Variants in CCNJ observed in about 807,000 individuals in gnomAD.
The protein encoded by CCNJ is cyclin J.
A neutral mutation model predicts 41.4 loss-of-function variants in CCNJ; 12 were observed. The ratio of observed to expected loss-of-function variants is 0.29; its 90% CI spans 0.19 to 0.47. CCNJ has a LOEUF of 0.47. CCNJ is among the 20% of genes least tolerant of loss of function. The pLI, the probability that CCNJ is intolerant of heterozygous loss-of-function variation, is 1.00. For synonymous variants in CCNJ, 161 were observed against 173.4 expected (o/e 0.93, Z 0.56); for missense variants, 340 against 464.6 (o/e 0.73, Z 2.47).
chr10:96,045,871 G>A (rs1386200588), intron 2 of CCNJ, among the ~76,000 whole-genome samples: 1 of 152,020 alleles, frequency 6.6e-6, no homozygotes, highest in East Asian at 1.9e-4. Context: ...CTGACCTCAG[G>A]TGATCCACCT....
rs193097883 is a variant in CCNJ at position 96,057,931 on chromosome 10, G to A, written c.842G>A (p.Arg281Gln). ...SVFQTASQPS[R>Q]PVHFQQPQYL... ...TTCCAGACAGCCTCCCAGCCATCACGGCCAGTTCACTTTCAGCAACCTCAG... is the reference window on the plus strand; with the variant it reads ...TTCCAGACAGCCTCCCAGCCATCACAGCCAGTTCACTTTCAGCAACCTCAG... The change falls in exon 6 of 6, where the codon CGG becomes CAG. Residue 281 changes from arginine (R) to glutamine (Q), a missense_variant. Coordinates refer to ENST00000465148, the MANE Select transcript of CCNJ (RefSeq NM_001134375.2). 31 of 1,614,144 alleles carry A rather than the reference G, an allele frequency of 1.9e-5. No individual in the cohort carries two copies. Among genetic ancestry groups the A allele is most frequent in the South Asian group, 9.9e-5 (9 of 91,078 alleles).
chr10:96,048,672 T>C (rs779272471), intron 2 of CCNJ, among the ~76,000 whole-genome samples: 2 of 152,218 alleles, frequency 1.3e-5, no homozygotes, highest in Non-Finnish European at 2.9e-5. Flanking sequence ...GGTAACTCAT[T>C]AAGTGGAATC....
At chr10:96,043,381 G>C (rs898005410), upstream of CCNJ, 19 of 355,470 alleles carry the variant, frequency 5.3e-5, no homozygotes, top group African/African-American at 3.6e-4. Flanking sequence ...GGCCAGCCCA[G>C]GCCACGCCGC....
intron 2 of CCNJ, among the ~76,000 whole-genome samples, chr10:96,048,752 A>AT (rs2080436043): frequency 6.6e-6 from 1 of 151,498 alleles, no homozygotes; most frequent in Non-Finnish European, 1.5e-5. Context: ...CATGTAGTAT[A>AT]TTATAAGAAT....
chr10:96,054,345 T>A (rs1009297044), intron 3 of CCNJ, among the ~76,000 whole-genome samples: 5 of 152,218 alleles, frequency 3.3e-5, no homozygotes, highest in African/African-American at 1.2e-4. Context: ...ACAAAAACTA[T>A]AGATAGGAAT....
rs541465787 is a variant in CCNJ, at chr10:96,058,785, A to C, written c.*544A>C. 189 of 309,706 alleles carry C rather than the reference A, an allele frequency of 6.1e-4. 1 individual carries two copies. Among genetic ancestry groups the C allele is most frequent in the African/African-American group, 3.8e-3 (179 of 46,934 alleles). 19.2% of individuals were successfully genotyped at this position (309,706 alleles called of 1,614,324 possible). A position where few individuals can be genotyped will look rare whatever the true frequency, so the allele number is the denominator to read the frequency against. On this transcript the variant is annotated 3_prime_UTR_variant, in exon 6 of 6. Transcript: ENST00000465148. ...TGCTATACCAATCTGCAGTAAAAAA[A>C]ATTTTTTTAGATGATTCTATATAAC... is the stretch of plus-strand genomic sequence containing the variant.
intron 2 of CCNJ, among the ~76,000 whole-genome samples, chr10:96,049,423 T>A (rs1430700409): frequency 6.6e-6 from 1 of 151,936 alleles, no homozygotes; most frequent in Non-Finnish European, 1.5e-5. Context: ...TAGCATCTTT[T>A]GTTAAACAAA....
intron 2 of CCNJ, among the ~76,000 whole-genome samples, chr10:96,045,892 C>T (rs904507256): frequency 1.3e-5 from 2 of 151,964 alleles, no homozygotes; most frequent in African/African-American, 4.8e-5. Context: ...GCCTCGGCCT[C>T]CTAAAGTGCT....
chr10:96,057,968 G>A lies in CCNJ; in HGVS notation c.879G>A (p.Gln293=). The part of the protein sequence containing the change: ...VHFQQPQYLH[Q]THQTSLQYRH... ...TTCAGCAACCTCAGTATCTCCATCA[G>A]ACACATCAGACCTCACTGCAGTATC... The change falls in exon 6 of 6, where the codon CAG becomes CAA. Residue 293 remains glutamine (Q), a synonymous_variant. Coordinates refer to ENST00000465148, the MANE Select transcript of CCNJ (RefSeq NM_001134375.2). The A allele has an allele frequency of 6.2e-7, 1 of 1,614,124 alleles. No individual in the cohort carries two copies. Among genetic ancestry groups the A allele is most frequent in the Non-Finnish European group, 8.5e-7 (1 of 1,180,000 alleles).
chr10:96,044,542 G>A, intron 2 of CCNJ, 80 bp downstream of exon 2: 1 of 1,165,840 alleles, frequency 8.6e-7, no homozygotes, highest in Non-Finnish European at 1.2e-6. Context: ...AGAAGGTCTA[G>A]TCAGGTTCTT....
Position 96,058,010 on chromosome 10 carries a change from A to G in CCNJ, c.921A>G (p.Glu307=). Reference sequence around the variant, plus strand: ...TGCAGTATCGCCATCCTACGTCAGAACAACCAAGCTGTCAGCAGATTGTAT... The same window carrying G: ...TGCAGTATCGCCATCCTACGTCAGAGCAACCAAGCTGTCAGCAGATTGTAT... ...TSLQYRHPTS[E]QPSCQQIVST... Residue 307 remains glutamate (E), a synonymous_variant, in exon 6 of 6, where the codon GAA becomes GAG. Transcript: ENST00000465148. 1 of 1,614,152 alleles carries G rather than the reference A, an allele frequency of 6.2e-7. No homozygotes were observed. Among genetic ancestry groups the G allele is most frequent in the Non-Finnish European group, 8.5e-7 (1 of 1,180,016 alleles).
intron 2 of CCNJ, among the ~76,000 whole-genome samples, chr10:96,049,091 GGTTTTGTTTT>G (rs372962844): frequency 1.2e-4 from 18 of 152,218 alleles, no homozygotes; most frequent in Admixed American, 5.2e-4. Context: ...ATGATTATCT[GGTTTTGTTTT>G]GTTTTGTTTT....
At position 96,058,036 on chromosome 10, in the gene CCNJ, C is replaced by G. The variant is rs1040958110; in HGVS notation, c.947C>G (p.Ser316Trp). ...CAACCAAGCTGTCAGCAGATTGTAT[C>G]GACCACACACACCTCATCTTACACA... The part of the protein sequence containing the change: ...SEQPSCQQIV[S>W]TTHTSSYTLQ... The change falls in exon 6 of 6, where the codon TCG (serine) becomes TGG (tryptophan). Residue 316 changes from serine (S) to tryptophan (W), a missense_variant. Ser to Trp is a radical substitution (Grantham distance 177, BLOSUM62 -3). Around this residue, in one of 3 missense-constraint regions of CCNJ, gnomAD observed 159 missense variants for 168.2 expected, o/e 0.95. Coordinates refer to ENST00000465148, the MANE Select transcript of CCNJ (RefSeq NM_001134375.2). The G allele has an allele frequency of 6.2e-7, 1 of 1,614,106 alleles. No homozygotes were observed. The highest frequency in any genetic ancestry group is 1.3e-5 in the African/African-American group (1 of 75,026).
At chr10:96,048,607 CTCT>C (rs771803981) in intron 2 of CCNJ, among the ~76,000 whole-genome samples, 72 of 152,302 alleles carry the variant, frequency 4.7e-4, no homozygotes, top group Middle Eastern at 3.4e-3. Flanking sequence ...ATTTCCCACC[CTCT>C]AGCTTCTGAT....
chr10:96,043,551 G>C, upstream of CCNJ: 1 of 394,564 alleles, frequency 2.5e-6, no homozygotes, highest in Non-Finnish European at 4.5e-6. Context: ...CCCCGCGCTG[G>C]CTTTGTATGC....
At chr10:96,044,568 G>C (rs1226200509) in intron 2 of CCNJ, 106 bp downstream of exon 2, 1 of 897,542 alleles carries the variant, frequency 1.1e-6, no homozygotes, top group Non-Finnish European at 1.5e-6. Flanking sequence ...ACTATCTTCC[G>C]GGCCAGAAAA....
chr10:96,056,494 T>G (rs1328963096), intron 3 of CCNJ, among the ~76,000 whole-genome samples: 1 of 151,756 alleles, frequency 6.6e-6, no homozygotes, highest in Non-Finnish European at 1.5e-5. Context: ...TTTCAAGCAT[T>G]TTTTTTTAGG....
chr10:96,053,000 T>C (rs2080571904), intron 3 of CCNJ, among the ~76,000 whole-genome samples: 1 of 152,214 alleles, frequency 6.6e-6, no homozygotes, highest in African/African-American at 2.4e-5. Context: ...TCTGTAACTT[T>C]ACAGCAGAAG....
chr10:96,057,583 G>T (rs550016069), intron 5 of CCNJ, among the ~76,000 whole-genome samples: 1 of 152,274 alleles, frequency 6.6e-6, no homozygotes, highest in South Asian at 2.1e-4. Context: ...CCACACTTAC[G>T]TGCTTATTAT....
Sources: allele counts gnomAD v4.1 joint callset (sites outside exome capture counted in the v4.1 genomes callset), GRCh38; gene constraint gnomAD v4.1.1; regional missense constraint gnomAD v4.1.1; transcripts MANE v1.5; gene names NCBI Gene and HGNC (gene_info 2026-07-23, HGNC 2026-07-21).